The following NBEA variants were observed in gnomAD, a reference collection of about 807,000 sequenced individuals.
NBEA encodes lysosomal-trafficking regulator 2.
In NBEA, 44 loss-of-function variants were observed where a neutral mutation model predicts 343.4. The observed-to-expected ratio is 0.13, with a 90% CI of 0.10 to 0.16. NBEA has a LOEUF of 0.16. Ranked by LOEUF, NBEA falls within the 10% of genes least tolerant of loss-of-function variation. The pLI, the probability that NBEA is intolerant of heterozygous loss-of-function variation, is 1.00. For missense variants in NBEA, 2,555 were observed against 3,631.3 expected, an observed-to-expected ratio of 0.70 and a Z score of 7.62; for synonymous variants, 1,175 against 1,238.7, an observed-to-expected ratio of 0.95 and a Z score of 1.08.
intron 48 of NBEA, among the ~76,000 whole-genome samples, chr13:35,625,760 A>C (rs1052893839): frequency 6.4e-4 from 98 of 152,348 alleles, no homozygotes; most frequent in Non-Finnish European, 4.4e-5. Context: ...CATATTAAAA[A>C]GATGTCAAAT....
chr13:35,315,978 A>G (rs934351627), intron 36 of NBEA, among the ~76,000 whole-genome samples: 2 of 151,620 alleles, frequency 1.3e-5, no homozygotes, highest in East Asian at 1.9e-4. Context: ...TATTTCCTAA[A>G]GTAGATATTC....
At chr13:35,535,612 C>A (rs2078500815) in intron 41 of NBEA, among the ~76,000 whole-genome samples, 1 of 152,126 alleles carries the variant, frequency 6.6e-6, no homozygotes, top group Non-Finnish European at 1.5e-5. Context: ...TTCTGCTAAC[C>A]TCCCCACTTG....
At chr13:35,145,232 T>C (rs553835101) in intron 18 of NBEA, among the ~76,000 whole-genome samples, 1 of 152,330 alleles carries the variant, frequency 6.6e-6, no homozygotes, top group Admixed American at 6.5e-5. Context: ...GCCTAAATCA[T>C]GGGATCAAAA....
In NBEA at chr13:35,522,475, C is replaced by CAAAA. The variant is rs138270833; in HGVS notation, c.6586-27974_6586-27971dup. 6.4e-4 allele frequency among the ~76,000 whole-genome samples: 27 copies of CAAAA among 42,072 alleles called. 1 individual carries two copies. The highest frequency in any genetic ancestry group is 1.3e-3 in the African/African-American group (19 of 15,040). 27.6% of individuals were successfully genotyped at this position (42,072 alleles called of 152,430 possible). ...GGGCAACAAAGCAAGATACCATCTC[C>CAAAA]AAAAAAAAAAAAAAAAAAAAAAAAA... On this transcript the variant is annotated intron_variant, in intron 41 of 58. Transcript: ENST00000379939.
At chr13:35,514,785 T>A (rs541003734) in intron 41 of NBEA, among the ~76,000 whole-genome samples, 48 of 152,100 alleles carry the variant, frequency 3.2e-4, no homozygotes, top group Non-Finnish European at 5.6e-4. Flanking sequence ...TTTGTAGGTG[T>A]TTGTGTATGT....
At chr13:35,616,768 C>A (rs1248721782) in intron 48 of NBEA, among the ~76,000 whole-genome samples, 1 of 152,106 alleles carries the variant, frequency 6.6e-6, no homozygotes, top group Non-Finnish European at 1.5e-5. Flanking sequence ...TTAAATATAA[C>A]AAATAATTTA....
intron 39 of NBEA, among the ~76,000 whole-genome samples, chr13:35,450,147 A>G (rs1280159867): frequency 1.3e-5 from 2 of 152,196 alleles, no homozygotes; most frequent in Admixed American, 6.5e-5. Flanking sequence ...CTATTTTACA[A>G]TGCAAGTTGT....
Position 35,628,204 on chromosome 13 carries a change from G to A in NBEA, c.7573G>A (p.Gly2525Ser), listed in dbSNP as rs767981216. Reference protein sequence around the residue: ...LNVFHYLTYEGSVNLDSITDP... With the variant: ...LNVFHYLTYESSVNLDSITDP... ...TGTTTTTCACTACTTGACTTATGAA[G>A]GCTCTGTGAACCTGGATAGTATCAC... Residue 2525 changes from glycine (G) to serine (S), a missense_variant, in exon 49 of 59, where the codon GGC becomes AGC. Physicochemically the swap from Gly to Ser is moderately conservative, Grantham distance 56 (BLOSUM62 0). Transcript: ENST00000379939. 5 of 1,612,920 alleles carry A rather than the reference G, an allele frequency of 3.1e-6. No homozygotes were observed. In the Admixed American group the frequency reaches 8.3e-5, roughly 27 times the overall value.
chr13:35,647,687 CT>C (rs1434955781), intron 51 of NBEA, among the ~76,000 whole-genome samples: 1 of 152,106 alleles, frequency 6.6e-6, no homozygotes, highest in Non-Finnish European at 1.5e-5. Flanking sequence ...CTGCCTTAGC[CT>C]CCCGAGTAGC....
chr13:35,399,943 A>G (rs955357172), intron 38 of NBEA, among the ~76,000 whole-genome samples: 9 of 152,086 alleles, frequency 5.9e-5, no homozygotes, highest in African/African-American at 1.7e-4. Flanking sequence ...CAGTTGGTGT[A>G]GCAGTCAGAA....
chr13:35,298,069 G>A (rs1450023296), intron 35 of NBEA, among the ~76,000 whole-genome samples: 2 of 151,294 alleles, frequency 1.3e-5, no homozygotes, highest in Admixed American at 1.3e-4. Context: ...TAAGCCATCA[G>A]TTAACACGTT....
At chr13:35,139,886 C>T (rs1334193608) in intron 17 of NBEA, among the ~76,000 whole-genome samples, 2 of 151,524 alleles carry the variant, frequency 1.3e-5, no homozygotes, top group African/African-American at 2.4e-5. Context: ...TCAAGTTTCC[C>T]CCGAACCTAG....
At chr13:34,949,001 C>T (rs1261884055) in intron 1 of NBEA, among the ~76,000 whole-genome samples, 3 of 151,944 alleles carry the variant, frequency 2.0e-5, no homozygotes, top group Non-Finnish European at 4.4e-5. Flanking sequence ...AAGTTTTTAC[C>T]CCGTGCTAAA....
At chr13:35,440,307 C>G (rs2045668385) in intron 39 of NBEA, among the ~76,000 whole-genome samples, 1 of 152,210 alleles carries the variant, frequency 6.6e-6, no homozygotes, top group Non-Finnish European at 1.5e-5. Flanking sequence ...CAAATCATTT[C>G]TGACTGTCAT....
chr13:35,139,616 A>T (rs1391439058), intron 17 of NBEA, among the ~76,000 whole-genome samples: 1 of 151,962 alleles, frequency 6.6e-6, no homozygotes, highest in Non-Finnish European at 1.5e-5. Flanking sequence ...TTTCCAGTAA[A>T]TGTCCCACTG....
rs538023515 is a variant in NBEA at position 35,263,926 on chromosome 13, G to A, written c.5777-26463G>A. 7.3e-5 allele frequency among the ~76,000 whole-genome samples: 11 copies of A among 150,348 alleles called. No homozygotes were observed. The East Asian group carries it at 1.6e-3, about 21-fold the overall frequency. On this transcript the variant is annotated intron_variant, in intron 34 of 58. Coordinates refer to ENST00000379939, the MANE Select transcript of NBEA (RefSeq NM_001385012.1). ...AGCAGGAAGGAAATAATAAAGATCC[G>A]AGCAGAAATAGATGAAATAGAGACT...
intron 35 of NBEA, among the ~76,000 whole-genome samples, chr13:35,294,507 C>T (rs1168014508): frequency 6.6e-6 from 1 of 151,654 alleles, no homozygotes; most frequent in East Asian, 1.9e-4. Context: ...ATGTTTTTTC[C>T]CCGTTGTCTT....
intron 35 of NBEA, among the ~76,000 whole-genome samples, chr13:35,295,262 A>G (rs1188405920): frequency 1.3e-5 from 2 of 151,632 alleles, no homozygotes; most frequent in Non-Finnish European, 2.9e-5. Flanking sequence ...TGTTAATAGT[A>G]TAGAATTAAG....
At chr13:35,304,602 C>T (rs752870875) in intron 35 of NBEA, among the ~76,000 whole-genome samples, 1 of 152,112 alleles carries the variant, frequency 6.6e-6, no homozygotes, top group Non-Finnish European at 1.5e-5. Flanking sequence ...TTTCATAAGT[C>T]TTCTGTGTTC....
Sources: gnomAD v4.1 joint callset for allele counts (sites outside exome capture counted in the v4.1 genomes callset) on GRCh38, gnomAD v4.1.1 for gene constraint, MANE v1.5 for transcripts, NCBI Gene and HGNC (gene_info 2026-07-23, HGNC 2026-07-21) for gene names.